Variants in NCOA3 observed in about 807,000 individuals in gnomAD.
NCOA3 encodes nuclear receptor coactivator 3, also known as CBP-interacting protein.
Under a neutral mutation model 158.8 loss-of-function variants are expected in NCOA3, and 51 were observed. The observed-to-expected ratio is 0.32, with a 90% CI of 0.26 to 0.41. NCOA3 has a LOEUF of 0.41. NCOA3 is among the 10% of genes least tolerant of loss of function. The pLI is 1.00. For synonymous variants in NCOA3, 537 were observed against 592.4 expected, an observed-to-expected ratio of 0.91 and a Z score of 1.36; for missense variants, 1,510 against 1,746.6, an observed-to-expected ratio of 0.86 and a Z score of 2.41.
At chr20:47,607,555 G>T (rs548830743) in intron 2 of NCOA3, among the ~76,000 whole-genome samples, 9 of 152,136 alleles carry the variant, frequency 5.9e-5, no homozygotes, top group African/African-American at 1.9e-4. Flanking sequence ...GAAATGAAAA[G>T]ATTTACTCAT....
chr20:47,576,933 G>A (rs2085381701), intron 1 of NCOA3, among the ~76,000 whole-genome samples: 2 of 152,174 alleles, frequency 1.3e-5, no homozygotes, highest in South Asian at 4.1e-4. Flanking sequence ...GAGAGAGGCA[G>A]AACAAGCGCA....
chr20:47,620,510 G>C (rs1401362092), intron 2 of NCOA3, among the ~76,000 whole-genome samples: 1 of 152,162 alleles, frequency 6.6e-6, no homozygotes, highest in Non-Finnish European at 1.5e-5. Context: ...ATAGTACAAA[G>C]AGTTTTTACG....
chr20:47,523,554 A>G (rs1248950399), intron 1 of NCOA3, among the ~76,000 whole-genome samples: 2 of 152,328 alleles, frequency 1.3e-5, no homozygotes, highest in East Asian at 3.9e-4. Context: ...TTCCATAAAG[A>G]AGACTGGAAT....
intron 1 of NCOA3, among the ~76,000 whole-genome samples, chr20:47,525,148 C>G (rs1211260855): frequency 6.7e-6 from 1 of 149,620 alleles, no homozygotes; most frequent in Non-Finnish European, 1.5e-5. Context: ...AAGGAGCATG[C>G]TGCCTTCAAG....
At chr20:47,576,263 G>T (rs951877879) in intron 1 of NCOA3, among the ~76,000 whole-genome samples, 3 of 152,228 alleles carry the variant, frequency 2.0e-5, no homozygotes, top group Admixed American at 2.0e-4. Context: ...AAAAATTGGG[G>T]TATAGGCAAA....
At chr20:47,570,730 A>G (rs1195969433) in intron 1 of NCOA3, among the ~76,000 whole-genome samples, 5 of 152,058 alleles carry the variant, frequency 3.3e-5, no homozygotes, top group Non-Finnish European at 5.9e-5. Flanking sequence ...CTTTGCCCAT[A>G]TCCATCACAG....
At chr20:47,593,180 G>C (rs2085677346) in intron 2 of NCOA3, among the ~76,000 whole-genome samples, 1 of 151,944 alleles carries the variant, frequency 6.6e-6, no homozygotes, top group Non-Finnish European at 1.5e-5. Flanking sequence ...TGATCCACCT[G>C]CCTCGGCCTC....
At chr20:47,553,412 T>C (rs2084952392) in intron 1 of NCOA3, among the ~76,000 whole-genome samples, 1 of 152,072 alleles carries the variant, frequency 6.6e-6, no homozygotes, top group African/African-American at 2.4e-5. Flanking sequence ...ATTATTATTA[T>C]TATACTTTAA....
At chr20:47,608,353 A>G (rs2085982361) in intron 2 of NCOA3, among the ~76,000 whole-genome samples, 1 of 151,528 alleles carries the variant, frequency 6.6e-6, no homozygotes, top group Non-Finnish European at 1.5e-5. Flanking sequence ...AAAAAAGTGA[A>G]TGAGTCCGGC....
intron 1 of NCOA3, among the ~76,000 whole-genome samples, chr20:47,564,921 AAC>A (rs1319146779): frequency 6.6e-6 from 1 of 151,114 alleles, no homozygotes; most frequent in African/African-American, 2.4e-5. Context: ...ATGTATCCTA[AAC>A]TTTAATTCCT....
rs759319649 is a variant in NCOA3, at chr20:47,649,024, A to G, written c.3566A>G (p.Gln1189Arg). 4 of 1,613,462 alleles carry G rather than the reference A, an allele frequency of 2.5e-6. No homozygotes were observed. In the African/African-American group the frequency reaches 5.3e-5, roughly 22 times the overall value. Residue 1189 changes from glutamine to arginine, a missense_variant, in exon 19 of 23, where the codon CAG (glutamine) becomes CGG (arginine). Coordinates refer to ENST00000371998, the MANE Select transcript of NCOA3 (RefSeq NM_181659.3). Reference sequence around the variant, plus strand: ...CCTCAGTTTTTGAATCAGAGCCGACAGGCACTTGAATTGAAAATGGAAAAC... The same window carrying G: ...CCTCAGTTTTTGAATCAGAGCCGACGGGCACTTGAATTGAAAATGGAAAAC... ...QGQQFLNQSR[Q>R]ALELKMENPT...
intron 1 of NCOA3, among the ~76,000 whole-genome samples, chr20:47,522,099 C>CTTTTT (rs772811888): frequency 8.2e-4 from 63 of 76,832 alleles, no homozygotes; most frequent in African/African-American, 1.0e-3. Context: ...TTGTACAGAT[C>CTTTTT]TTTTTTTTTT....
intron 1 of NCOA3, among the ~76,000 whole-genome samples, chr20:47,551,562 C>T (rs1271546878): frequency 2.0e-5 from 3 of 152,160 alleles, no homozygotes; most frequent in South Asian, 2.1e-4. Context: ...AGACCCCTCA[C>T]CTCCAGGATG....
chr20:47,635,632 C>T lies in NCOA3; in HGVS notation c.1423C>T (p.Pro475Ser), dbSNP rs774461880. ...SPPHGSPGLA[P>S]NQQNIMISPR... ...CCCACATGGGAGTCCTGGTCTTGCCCCAAACCAGCAGAATATCATGATTTC... is the reference window on the plus strand; with the variant it reads ...CCCACATGGGAGTCCTGGTCTTGCCTCAAACCAGCAGAATATCATGATTTC... Residue 475 changes from proline to serine, a missense_variant, in exon 11 of 23, where the codon CCA becomes TCA. Coordinates refer to ENST00000371998, the MANE Select transcript of NCOA3 (RefSeq NM_181659.3). 5 of 1,614,138 alleles carry T rather than the reference C, an allele frequency of 3.1e-6. No individual in the cohort carries two copies. The East Asian group carries it at 1.1e-4, about 36-fold the overall frequency.
chr20:47,528,935 T>C (rs933952793), intron 1 of NCOA3, among the ~76,000 whole-genome samples: 2 of 151,484 alleles, frequency 1.3e-5, no homozygotes, highest in African/African-American at 4.9e-5. Flanking sequence ...TCCAGCTAAT[T>C]TTGTATTTTT....
At chr20:47,515,472 C>CT (rs111350575) in intron 1 of NCOA3, among the ~76,000 whole-genome samples, 2,501 of 129,900 alleles carry the variant, frequency 0.019, 45 homozygotes, top group East Asian at 0.074. Context: ...TTCTTTCTTT[C>CT]TTTTTTTTTT....
In NCOA3 at chr20:47,606,261, G is replaced by A. The variant is rs1568720668; in HGVS notation, c.-19-15968G>A. On this transcript the variant is annotated intron_variant, in intron 2 of 22. Transcript: ENST00000371998. ...CTCAACGTGTGGTGCGTGGACTCCC[G>A]GTAGTCTCTGAGAACCTTTTAAGGG... Among the ~76,000 whole-genome samples, 5 of 152,264 alleles carry A rather than the reference G, an allele frequency of 3.3e-5. No homozygotes were observed. The South Asian group carries it at 8.3e-4, about 25-fold the overall frequency.
At chr20:47,561,571 A>G (rs751661405) in intron 1 of NCOA3, among the ~76,000 whole-genome samples, 11 of 151,398 alleles carry the variant, frequency 7.3e-5, no homozygotes, top group Admixed American at 5.3e-4. Flanking sequence ...CTCTTGCCTC[A>G]GCTTCCCAAA....
chr20:47,576,596 C>T (rs1366117363), intron 1 of NCOA3, among the ~76,000 whole-genome samples: 4 of 152,052 alleles, frequency 2.6e-5, no homozygotes, highest in Non-Finnish European at 5.9e-5. Context: ...TGTTCTTTGC[C>T]TTCTCCACTC....
Sources: allele counts gnomAD v4.1 joint callset (sites outside exome capture counted in the v4.1 genomes callset), GRCh38; gene constraint gnomAD v4.1.1; transcripts MANE v1.5; gene names NCBI Gene and HGNC (gene_info 2026-07-23, HGNC 2026-07-21).